LUZP2: variants seen among roughly 807,000 people sequenced by gnomAD.
LUZP2 encodes leucine zipper protein 2.
LUZP2 carries 52 observed loss-of-function variants against 51.6 expected under a neutral mutation model. The ratio of observed to expected loss-of-function variants is 1.01; its 90% confidence interval spans 0.81 to 1.27. The LOEUF is 1.27. LUZP2 is among the 50% of genes most tolerant of loss of function. The pLI, the probability that LUZP2 is intolerant of heterozygous loss-of-function variation, is 0.00. For missense variants in LUZP2, 436 were observed against 395.4 expected, an observed-to-expected ratio of 1.10 and a Z score of -0.87; for synonymous variants, 154 against 137.3, an observed-to-expected ratio of 1.12 and a Z score of -0.85.
At chr11:24,666,920 CTGTTTT>C (rs1177829334) in intron 1 of LUZP2, among the ~76,000 whole-genome samples, 3 of 152,134 alleles carry the variant, frequency 2.0e-5, no homozygotes, top group Non-Finnish European at 4.4e-5. Context: ...ACTTATAATT[CTGTTTT>C]TATTTTTCTC....
intron 5 of LUZP2, among the ~76,000 whole-genome samples, chr11:24,793,422 A>G (rs574491344): frequency 6.6e-6 from 1 of 152,252 alleles, no homozygotes; most frequent in African/African-American, 2.4e-5. Context: ...CCACCTGCAA[A>G]CATCTGTGGA....
chr11:24,753,931 A>C (rs1859681616), intron 4 of LUZP2, among the ~76,000 whole-genome samples: 1 of 152,204 alleles, frequency 6.6e-6, no homozygotes, highest in African/African-American at 2.4e-5. Flanking sequence ...AAAATAGAGC[A>C]AACTGGTTTG....
At chr11:25,034,787 T>G (rs1322099760) in intron 9 of LUZP2, among the ~76,000 whole-genome samples, 1 of 152,086 alleles carries the variant, frequency 6.6e-6, no homozygotes, top group Admixed American at 6.6e-5. Flanking sequence ...TACATGTCTG[T>G]TTTTGTGCTA....
intron 5 of LUZP2, among the ~76,000 whole-genome samples, chr11:24,853,075 T>A (rs1198829862): frequency 6.6e-6 from 1 of 152,200 alleles, no homozygotes; most frequent in African/African-American, 2.4e-5. Flanking sequence ...CATTTACATT[T>A]AAGGTTGATA....
At chr11:24,555,955 G>A (rs895468773) in intron 1 of LUZP2, among the ~76,000 whole-genome samples, 1 of 152,174 alleles carries the variant, frequency 6.6e-6, no homozygotes, top group Non-Finnish European at 1.5e-5. Context: ...TCCAGTGTGG[G>A]CAACAGAGCA....
intron 1 of LUZP2, among the ~76,000 whole-genome samples, chr11:24,502,327 A>C (rs1345362743): frequency 6.6e-6 from 1 of 152,146 alleles, no homozygotes; most frequent in African/African-American, 2.4e-5. Context: ...AGAGGAAGTC[A>C]GAGGTATAAT....
At chr11:24,973,479 T>C (rs1855805685) in intron 7 of LUZP2, among the ~76,000 whole-genome samples, 1 of 151,844 alleles carries the variant, frequency 6.6e-6, no homozygotes, top group African/African-American at 2.4e-5. Flanking sequence ...TGTCTTTTGC[T>C]AGCTTTGGGG....
Position 24,680,978 on chromosome 11 carries a change from T to A in LUZP2, c.63-48191T>A, listed in dbSNP as rs539462091. On this transcript the variant is annotated intron_variant, in intron 1 of 11. Coordinates refer to ENST00000336930, the MANE Select transcript of LUZP2 (RefSeq NM_001009909.4). ...AGTCTTTAATTTCTTTCTTTATTTT[T>A]TTTTTTTTTTTTTTGAGACGGAGTC... Among the ~76,000 whole-genome samples, 381 of 144,128 alleles carry A rather than the reference T, an allele frequency of 2.6e-3. 2 individuals carry two copies. The highest frequency in any genetic ancestry group is 0.014 in the South Asian group (67 of 4,656). 94.6% of individuals were successfully genotyped at this position (144,128 alleles called of 152,430 possible).
intron 8 of LUZP2, 85 bp from the exon 9 acceptor site, chr11:24,983,041 A>G: frequency 7.5e-7 from 1 of 1,338,018 alleles, no homozygotes; most frequent in Non-Finnish European, 1.0e-6. Context: ...TGTGGGGAGT[A>G]TAGGCTAAGA....
intron 1 of LUZP2, among the ~76,000 whole-genome samples, chr11:24,719,406 A>C (rs771253409): frequency 1.5e-4 from 23 of 152,218 alleles, no homozygotes; most frequent in Non-Finnish European, 2.9e-4. Flanking sequence ...AAATTGGACA[A>C]ACTTGTCAGT....
At chr11:24,622,324 T>C (rs1854525371) in intron 1 of LUZP2, among the ~76,000 whole-genome samples, 1 of 151,132 alleles carries the variant, frequency 6.6e-6, no homozygotes, top group Non-Finnish European at 1.5e-5. Context: ...TTCCGCTTCC[T>C]GTGTCCATGT....
At chr11:24,822,395 A>G (rs1850387374) in intron 5 of LUZP2, among the ~76,000 whole-genome samples, 1 of 152,022 alleles carries the variant, frequency 6.6e-6, no homozygotes, top group Admixed American at 6.6e-5. Flanking sequence ...TGTTTTGTAT[A>G]TATCCTTTTG....
At chr11:24,991,386 GTGTGTGTGTGTA>G (rs1393167525) in intron 9 of LUZP2, among the ~76,000 whole-genome samples, 1 of 66,570 alleles carries the variant, frequency 1.5e-5, no homozygotes, top group African/African-American at 3.9e-5. Flanking sequence ...ATGTGTGTGT[GTGTGTGTGTGTA>G]TATATATATA....
At chr11:25,008,287 A>G (rs373972753) in intron 9 of LUZP2, among the ~76,000 whole-genome samples, 25 of 152,200 alleles carry the variant, frequency 1.6e-4, no homozygotes, top group African/African-American at 5.5e-4. Flanking sequence ...TAGATGAGGG[A>G]AAAGTGGTGG....
chr11:24,629,279 A>G (rs1854792554), intron 1 of LUZP2, among the ~76,000 whole-genome samples: 1 of 151,668 alleles, frequency 6.6e-6, no homozygotes. Context: ...TACATACTCT[A>G]CGTTCATATG....
chr11:24,882,976 G>GAGGA (rs147897545), intron 5 of LUZP2, among the ~76,000 whole-genome samples: 10,138 of 149,142 alleles, frequency 0.068, 1,157 homozygotes, highest in African/African-American at 0.23. Flanking sequence ...AAGAAAGATG[G>GAGGA]AGGAAGGAAG....
At chr11:25,035,315 A>C (rs921181371) in intron 9 of LUZP2, among the ~76,000 whole-genome samples, 1 of 152,152 alleles carries the variant, frequency 6.6e-6, no homozygotes, top group Non-Finnish European at 1.5e-5. Flanking sequence ...AGGCTTTTAT[A>C]ACTGATAAAC....
At chr11:24,922,149 CAT>C (rs1854082413) in intron 7 of LUZP2, among the ~76,000 whole-genome samples, 1 of 152,060 alleles carries the variant, frequency 6.6e-6, no homozygotes, top group South Asian at 2.1e-4. Context: ...ATCCCTATAG[CAT>C]ATGTTTATAT....
chr11:24,533,572 T>C (rs537276236), intron 1 of LUZP2, among the ~76,000 whole-genome samples: 2 of 151,434 alleles, frequency 1.3e-5, no homozygotes, highest in East Asian at 3.9e-4. Context: ...ATTGAAAATA[T>C]TTTGTTCTCC....
Sources: allele counts gnomAD v4.1 joint callset (sites outside exome capture counted in the v4.1 genomes callset), GRCh38; gene constraint gnomAD v4.1.1; transcripts MANE v1.5; gene names NCBI Gene and HGNC (gene_info 2026-07-23, HGNC 2026-07-21).